Variants in RANBP2 observed in about 807,000 individuals in gnomAD.
RANBP2 encodes E3 SUMO-protein ligase RanBP2.
RANBP2 carries 57 observed loss-of-function variants against 303.6 expected under a neutral mutation model. The ratio of observed to expected loss-of-function variants is 0.19; its 90% CI spans 0.15 to 0.23. The LOEUF (loss-of-function observed/expected upper bound fraction) is 0.23, where lower values mean the gene tolerates loss of function less well. Among genes scored for constraint, RANBP2 ranks in the 10% least tolerant of loss-of-function variants. The pLI is 1.00. For synonymous variants in RANBP2, 1,167 were observed against 1,301.5 expected (o/e 0.90, Z 2.23); for missense variants, 3,138 against 3,780.8 (o/e 0.83, Z 4.46).
chr2:109,055,822 G>T, the RANBP2 span, among the ~76,000 whole-genome samples: 11 of 147,826 alleles, frequency 7.4e-5, no homozygotes, highest in African/African-American at 2.8e-4. Context: ...GTGCAGTGGC[G>T]CGATCTTGGC....
At chr2:109,106,934 C>CT in the RANBP2 span, among the ~76,000 whole-genome samples, 28,385 of 133,784 alleles carry the variant, frequency 0.21, 4,279 homozygotes, top group East Asian at 0.67. Flanking sequence ...GGGCCTTCTC[C>CT]TTTTTTTTTT....
chr2:109,246,275 A>G, the RANBP2 span, among the ~76,000 whole-genome samples: 3 of 152,222 alleles, frequency 2.0e-5, no homozygotes, highest in Non-Finnish European at 4.4e-5. Context: ...TCCAAGATCA[A>G]GGCACTGGCA....
chr2:109,546,218 T>G, the RANBP2 span: 12 of 1,557,424 alleles, frequency 7.7e-6, no homozygotes, highest in Non-Finnish European at 1.0e-5. Flanking sequence ...TCTCTTAAGG[T>G]GCTCAAATTT....
At chr2:109,279,222 T>C in the RANBP2 span, among the ~76,000 whole-genome samples, 1 of 152,234 alleles carries the variant, frequency 6.6e-6, no homozygotes, top group Non-Finnish European at 1.5e-5. Flanking sequence ...GCTATTAGCT[T>C]GTCGAGAGCC....
chr2:108,968,612 G>C, the RANBP2 span, among the ~76,000 whole-genome samples: 28 of 152,338 alleles, frequency 1.8e-4, no homozygotes, highest in Non-Finnish European at 3.1e-4. Context: ...CACAGGCATG[G>C]TGTTCTCTTT....
the RANBP2 span, among the ~76,000 whole-genome samples, chr2:109,690,721 C>G: frequency 5.9e-3 from 892 of 151,854 alleles, 3 homozygotes; most frequent in Non-Finnish European, 9.1e-3. Flanking sequence ...CATCAGTAAG[C>G]TCCTGAGAAA....
the RANBP2 span, among the ~76,000 whole-genome samples, chr2:109,006,721 C>G: frequency 1.3e-4 from 20 of 152,068 alleles, no homozygotes; most frequent in African/African-American, 4.8e-4. Context: ...CCTCGGGCTG[C>G]GCAGAGGCCC....
intron 4 of RANBP2, among the ~76,000 whole-genome samples, chr2:108,733,552 G>A (rs1013274603): frequency 6.6e-6 from 1 of 152,140 alleles, no homozygotes; most frequent in Admixed American, 6.5e-5. Flanking sequence ...TGCTTCCAAA[G>A]ATAAATATTA....
chr2:109,246,804 G>A, the RANBP2 span, among the ~76,000 whole-genome samples: 1 of 152,214 alleles, frequency 6.6e-6, no homozygotes, highest in Non-Finnish European at 1.5e-5. Context: ...TTGAACTGCA[G>A]TCGGATGCCC....
the RANBP2 span, among the ~76,000 whole-genome samples, chr2:109,670,025 G>A: frequency 1.3e-4 from 20 of 152,216 alleles, no homozygotes; most frequent in African/African-American, 4.8e-4. Flanking sequence ...GTCACAGCCA[G>A]CAACTGCAGT....
chr2:109,567,989 A>C, the RANBP2 span: 2 of 1,557,576 alleles, frequency 1.3e-6, no homozygotes, highest in Non-Finnish European at 1.7e-6. Flanking sequence ...ATTAAGAATA[A>C]AGAAAAACAA....
At chr2:109,447,842 TC>T in the RANBP2 span, among the ~76,000 whole-genome samples, 1 of 152,194 alleles carries the variant, frequency 6.6e-6, no homozygotes, top group Non-Finnish European at 1.5e-5. Flanking sequence ...ATCCCTAACA[TC>T]TTTAAGAATT....
chr2:108,826,678 A>G, the RANBP2 span, among the ~76,000 whole-genome samples: 1 of 152,168 alleles, frequency 6.6e-6, no homozygotes, highest in African/African-American at 2.4e-5. Context: ...TTTTGAAAAC[A>G]AAGTGTGAAT....
chr2:109,187,680 ATGATG>A, the RANBP2 span, among the ~76,000 whole-genome samples: 1 of 152,204 alleles, frequency 6.6e-6, no homozygotes. Context: ...TGTTCACACA[ATGATG>A]TCACCCAAGG....
the RANBP2 span, among the ~76,000 whole-genome samples, chr2:109,713,549 G>A: frequency 6.6e-6 from 1 of 152,188 alleles, no homozygotes; most frequent in South Asian, 2.1e-4. Flanking sequence ...CTACTTCACT[G>A]GGTTGGAAAT....
At chr2:108,978,822 A>C in the RANBP2 span, among the ~76,000 whole-genome samples, 1 of 152,296 alleles carries the variant, frequency 6.6e-6, no homozygotes, top group African/African-American at 2.4e-5. Flanking sequence ...GGCACCAATG[A>C]AGTTGTTAGC....
At chr2:109,000,551 AC>A in the RANBP2 span, among the ~76,000 whole-genome samples, 1 of 152,064 alleles carries the variant, frequency 6.6e-6, no homozygotes, top group South Asian at 2.1e-4. Flanking sequence ...ACAAACAAAA[AC>A]CCAAAATAAA....
At chr2:108,963,308 T>C in the RANBP2 span, among the ~76,000 whole-genome samples, 5 of 152,334 alleles carry the variant, frequency 3.3e-5, no homozygotes, top group Admixed American at 2.0e-4. Context: ...ATAGCAACTA[T>C]GAGAAAAGAA....
the RANBP2 span, among the ~76,000 whole-genome samples, chr2:109,220,012 C>T: frequency 6.6e-6 from 1 of 152,192 alleles, no homozygotes; most frequent in East Asian, 1.9e-4. Context: ...ACTCACACTT[C>T]CTGATTTCAA....
Sources: allele counts gnomAD v4.1 joint callset (sites outside exome capture counted in the v4.1 genomes callset), GRCh38; gene constraint gnomAD v4.1.1; transcripts MANE v1.5; gene names NCBI Gene and HGNC (gene_info 2026-07-23, HGNC 2026-07-21).